BCL11A: variants seen among roughly 807,000 people sequenced by gnomAD.
BCL11A encodes the protein B cell CLL/lymphoma 11A.
BCL11A carries 2 observed loss-of-function variants against 55.9 expected under a neutral mutation model. The ratio of observed to expected loss-of-function variants is 0.04; its 90% CI spans 0.01 to 0.11. The LOEUF (loss-of-function observed/expected upper bound fraction) is 0.11, where lower values mean the gene tolerates loss of function less well. BCL11A is among the 10% of genes least tolerant of loss of function. The pLI, the probability that BCL11A is intolerant of heterozygous loss-of-function variation, is 1.00. For synonymous variants in BCL11A, 465 were observed against 473.4 expected, an observed-to-expected ratio of 0.98 and a Z score of 0.23; for missense variants, 817 against 1,137.1, an observed-to-expected ratio of 0.72 and a Z score of 4.05.
At chr2:60,498,565 T>C (rs1489569495) in intron 2 of BCL11A, among the ~76,000 whole-genome samples, 1 of 152,252 alleles carries the variant, frequency 6.6e-6, no homozygotes, top group Non-Finnish European at 1.5e-5. Flanking sequence ...ACATTCATTA[T>C]TTAGCCACCT....
chr2:60,493,035 C>G (rs1295641355), intron 2 of BCL11A, among the ~76,000 whole-genome samples: 1 of 152,154 alleles, frequency 6.6e-6, no homozygotes, highest in Admixed American at 6.5e-5. Flanking sequence ...CCCCACCTAC[C>G]ACCACAGTGT....
At position 60,461,497 on chromosome 2, in the gene BCL11A, C is replaced by T. The variant is rs745750246; in HGVS notation, c.1415G>A (p.Ser472Asn). 6 of 1,605,946 alleles carry T rather than the reference C, an allele frequency of 3.7e-6. No individual in the cohort carries two copies. The East Asian group carries it at 1.3e-4, about 36-fold the overall frequency. The change falls in exon 4 of 4, where the codon AGC becomes AAC. Residue 472 changes from serine (S) to asparagine (N), a missense_variant. Ser to Asn is a conservative substitution (Grantham distance 46). Coordinates refer to ENST00000642384, the MANE Select transcript of BCL11A (RefSeq NM_022893.4). ...ALKSVVAKFK[S>N]ENDPNLIPEN... ...CGGGATCAGGTTGGGGTCGTTCTCGCTCTTGAACTTGGCCACCACGGACTT... is the reference window on the plus strand; with the variant it reads ...CGGGATCAGGTTGGGGTCGTTCTCGTTCTTGAACTTGGCCACCACGGACTT...
intron 2 of BCL11A, among the ~76,000 whole-genome samples, chr2:60,479,945 G>A (rs914427591): frequency 1.3e-5 from 2 of 152,224 alleles, no homozygotes; most frequent in Admixed American, 6.5e-5. Context: ...GAAATCTGAA[G>A]TTGACAGGTT....
downstream of BCL11A, chr2:60,452,721 G>C (rs929395760): frequency 2.2e-6 from 3 of 1,393,820 alleles, no homozygotes; most frequent in East Asian, 2.3e-5. Flanking sequence ...GGTGTGACTT[G>C]GCCCAATGAT....
chr2:60,503,301 C>T (rs1679398208), intron 2 of BCL11A, among the ~76,000 whole-genome samples: 1 of 152,202 alleles, frequency 6.6e-6, no homozygotes, highest in Non-Finnish European at 1.5e-5. Flanking sequence ...ACAGAAAAGG[C>T]AGGTGGCTGC....
Position 60,462,079 on chromosome 2 carries a change from C to CGGTGGGGGTCCAAGT in BCL11A, c.818_832dup (p.His273_His277dup). 1 of 1,571,116 alleles carries CGGTGGGGGTCCAAGT rather than the reference C, an allele frequency of 6.4e-7. No homozygotes were observed. ...CTCTTCCGCCCCCAGGCGCTCTATG[C>CGGTGGGGGTCCAAGT]GGTGGGGGTCCAAGTGATGTCTCGG... On this transcript the variant is annotated inframe_insertion, in exon 4 of 4. Transcript: ENST00000642384.
intron 2 of BCL11A, among the ~76,000 whole-genome samples, chr2:60,495,111 C>A (rs1678869724): frequency 6.6e-6 from 1 of 152,196 alleles, no homozygotes; most frequent in Admixed American, 6.5e-5. Context: ...ATTTCATTCC[C>A]ATTGAGAAAT....
intron 2 of BCL11A, among the ~76,000 whole-genome samples, chr2:60,504,179 C>A (rs1265556379): frequency 2.0e-5 from 3 of 152,212 alleles, no homozygotes; most frequent in Non-Finnish European, 4.4e-5. Flanking sequence ...AGATGCTCAG[C>A]CGGGCACAAG....
chr2:60,514,100 T>C (rs1307461363), intron 2 of BCL11A, among the ~76,000 whole-genome samples: 1 of 152,214 alleles, frequency 6.6e-6, no homozygotes, highest in Non-Finnish European at 1.5e-5. Flanking sequence ...CCTTGTGGAC[T>C]TTCCTGAGAG....
At chr2:60,481,031 T>A (rs1677922239) in intron 2 of BCL11A, among the ~76,000 whole-genome samples, 2 of 152,192 alleles carry the variant, frequency 1.3e-5, no homozygotes, top group Non-Finnish European at 2.9e-5. Flanking sequence ...AGCCCCCAGC[T>A]GCCTCCCTGC....
chr2:60,468,112 A>AGTGATG (rs1676989104), intron 3 of BCL11A, among the ~76,000 whole-genome samples: 12 of 24,860 alleles, frequency 4.8e-4, no homozygotes, highest in East Asian at 1.8e-3. Flanking sequence ...TGATGGTGGC[A>AGTGATG]GTGGTGGTTG....
intron 2 of BCL11A, among the ~76,000 whole-genome samples, chr2:60,521,538 A>G (rs1177631874): frequency 6.6e-6 from 1 of 152,178 alleles, no homozygotes; most frequent in African/African-American, 2.4e-5. Context: ...TTTGCTATCT[A>G]GAAGAACAAA....
intron 2 of BCL11A, among the ~76,000 whole-genome samples, chr2:60,541,205 G>A (rs1669912629): frequency 1.4e-5 from 2 of 141,404 alleles, no homozygotes; most frequent in African/African-American, 5.1e-5. Context: ...ATATCACGTG[G>A]ACCTATTCTC....
At chr2:60,552,528 G>C (rs1412699604) in intron 1 of BCL11A, among the ~76,000 whole-genome samples, 3 of 152,198 alleles carry the variant, frequency 2.0e-5, no homozygotes, top group East Asian at 1.9e-4. Context: ...GGCAGTGCCG[G>C]CCGCGTCTCC....
intron 2 of BCL11A, chr2:60,535,609 AT>A (rs1669635406): frequency 6.6e-6 from 1 of 152,212 alleles, no homozygotes; most frequent in African/African-American, 2.4e-5. Context: ...CAGCTTTTTC[AT>A]TGGCTTGGAG....
At chr2:60,450,522 G>A (rs922202310), downstream of BCL11A, 2 of 152,164 alleles carry the variant, frequency 1.3e-5, no homozygotes, top group Non-Finnish European at 2.9e-5. Context: ...TTTCAGTTCT[G>A]GCCTCCCTTT....
intron 1 of BCL11A, chr2:60,550,777 G>C (rs1336260661): frequency 2.5e-6 from 1 of 398,744 alleles, no homozygotes; most frequent in East Asian, 3.6e-5. Context: ...TGCGCGCCCC[G>C]GTCTGTCCTT....
intron 3 of BCL11A, 84 bp downstream of exon 3, chr2:60,468,648 A>G: frequency 3.1e-6 from 3 of 977,216 alleles, no homozygotes; most frequent in Non-Finnish European, 4.8e-6. Flanking sequence ...TAACTCCTTC[A>G]GTACTTAAAA....
In BCL11A at chr2:60,473,240, G is replaced by GTT. The variant is rs35836068; in HGVS notation, c.386-4409_386-4408dup. ...ACATATGTTTTTAGATAATTTCCCTGTTTTTTTTTTTTTTTCAGTGAGACA... is the reference window on the plus strand; with the variant it reads ...ACATATGTTTTTAGATAATTTCCCTGTTTTTTTTTTTTTTTTTCAGTGAGACA... On this transcript the variant is annotated intron_variant, in intron 2 of 3. Coordinates refer to ENST00000642384, the MANE Select transcript of BCL11A (RefSeq NM_022893.4). Among the ~76,000 whole-genome samples the GTT allele has an allele frequency of 3.3e-3, 467 of 140,446 alleles. 1 individual carries two copies. The highest frequency in any genetic ancestry group is 5.8e-3 in the Non-Finnish European group (377 of 64,522). The allele number at this position is 140,446 out of a possible 152,430, so 92.1% of individuals were successfully genotyped here.
Sources: allele counts gnomAD v4.1 joint callset (sites outside exome capture counted in the v4.1 genomes callset), GRCh38; gene constraint gnomAD v4.1.1; transcripts MANE v1.5; gene names NCBI Gene and HGNC (gene_info 2026-07-23, HGNC 2026-07-21).